The following PRKN variants were observed in gnomAD, a reference collection of about 807,000 sequenced individuals.
PRKN encodes E3 ubiquitin-protein ligase parkin.
A neutral mutation model predicts 59.5 loss-of-function variants in PRKN; 56 were observed. The ratio of observed to expected loss-of-function variants is 0.94; its 90% CI spans 0.76 to 1.18. The LOEUF (loss-of-function observed/expected upper bound fraction) is 1.18. Among genes scored for constraint, PRKN ranks in the 50% most tolerant of loss-of-function variants. The pLI is 0.00. For missense variants in PRKN, 657 were observed against 596.4 expected (o/e 1.10, Z -1.06); for synonymous variants, 250 against 222.1 (o/e 1.13, Z -1.12).
chr6:162,531,218 G>A (rs1405613095), intron 1 of PRKN, among the ~76,000 whole-genome samples: 3 of 151,790 alleles, frequency 2.0e-5, no homozygotes, highest in African/African-American at 4.8e-5. Flanking sequence ...ATTAGCTGGG[G>A]GTGGTGGTAC....
intron 4 of PRKN, among the ~76,000 whole-genome samples, chr6:162,081,786 T>C (rs2128293726): frequency 6.6e-6 from 1 of 152,264 alleles, no homozygotes; most frequent in African/African-American, 2.4e-5. Flanking sequence ...AAGAAAGTCC[T>C]AGATAGCATC....
At chr6:162,117,555 G>A (rs918564440) in intron 4 of PRKN, among the ~76,000 whole-genome samples, 5 of 152,204 alleles carry the variant, frequency 3.3e-5, no homozygotes, top group Non-Finnish European at 7.3e-5. Flanking sequence ...TGTAAAGGCT[G>A]CTCAGTAACT....
At chr6:161,482,526 G>C (rs149589146) in intron 9 of PRKN, among the ~76,000 whole-genome samples, 33 of 152,334 alleles carry the variant, frequency 2.2e-4, no homozygotes, top group African/African-American at 7.5e-4. Context: ...GTTAGTTTGA[G>C]AACTGGCTTT....
intron 2 of PRKN, among the ~76,000 whole-genome samples, chr6:162,418,906 G>A (rs1263564170): frequency 6.6e-6 from 1 of 151,768 alleles, no homozygotes; most frequent in Non-Finnish European, 1.5e-5. Flanking sequence ...AGGGTGTGGG[G>A]CACCAGGACA....
intron 7 of PRKN, among the ~76,000 whole-genome samples, chr6:161,726,064 A>G (rs371065697): frequency 6.2e-4 from 94 of 152,320 alleles, no homozygotes; most frequent in African/African-American, 2.1e-3. Flanking sequence ...TCACAAATCA[A>G]AAGGCATAAA....
intron 6 of PRKN, among the ~76,000 whole-genome samples, chr6:161,883,485 AAAGGG>A (rs1231720592): frequency 2.7e-5 from 4 of 147,932 alleles, no homozygotes; most frequent in Non-Finnish European, 6.0e-5. Context: ...AGACTCTGAC[AAAGGG>A]AAGGGAAGGG....
Position 161,356,358 on chromosome 6 carries a change from G to C in PRKN, c.1285+3730C>G, listed in dbSNP as rs1784749360. The stretch of plus-strand genomic sequence containing the variant: ...GACAGGAAGGAGCCAGCCATGGGCA[G>C]TGACGACACAGAAGCGTCCTGGGGA... On this transcript the variant is annotated intron_variant, in intron 11 of 11. Coordinates refer to ENST00000366898, the MANE Select transcript of PRKN (RefSeq NM_004562.3). This position sits in a 1 kb window ranked among gnomAD's most constrained non-coding sequence, Gnocchi z 7.8. Among the ~76,000 whole-genome samples the C allele has an allele frequency of 6.6e-6, 1 of 152,248 alleles. No homozygotes were observed. The highest frequency in any genetic ancestry group is 1.5e-5 in the Non-Finnish European group (1 of 68,050).
intron 7 of PRKN, among the ~76,000 whole-genome samples, chr6:161,732,828 G>A (rs939635829): frequency 6.6e-6 from 1 of 152,076 alleles, no homozygotes; most frequent in Non-Finnish European, 1.5e-5. Context: ...TCGATGACCT[G>A]GTCTCATGCA....
chr6:161,509,650 G>A (rs1042930658), intron 9 of PRKN, among the ~76,000 whole-genome samples: 3 of 151,702 alleles, frequency 2.0e-5, no homozygotes, highest in Non-Finnish European at 2.9e-5. Context: ...GAGAGGCCGA[G>A]GAGGGTGGAT....
At chr6:162,054,412 G>A (rs745916231) in intron 4 of PRKN, among the ~76,000 whole-genome samples, 6 of 152,122 alleles carry the variant, frequency 3.9e-5, no homozygotes, top group East Asian at 3.9e-4. Flanking sequence ...AAACCTGTTC[G>A]TTTTCCACTT....
intron 1 of PRKN, among the ~76,000 whole-genome samples, chr6:162,569,879 G>A (rs542943603): frequency 6.6e-6 from 1 of 152,280 alleles, no homozygotes; most frequent in Admixed American, 6.5e-5. Context: ...TTTACTGCCT[G>A]GGGACCACCT....
intron 7 of PRKN, among the ~76,000 whole-genome samples, chr6:161,620,467 C>A (rs762159765): frequency 6.6e-6 from 1 of 152,112 alleles, no homozygotes; most frequent in South Asian, 2.1e-4. Flanking sequence ...GTTCCTCTCA[C>A]TGAATTGATT....
At chr6:162,722,708 C>T (rs1017122162) in intron 1 of PRKN, among the ~76,000 whole-genome samples, 11 of 151,956 alleles carry the variant, frequency 7.2e-5, no homozygotes, top group African/African-American at 2.7e-4. Flanking sequence ...TTCAAAGAAA[C>T]TTTGGAGGTA....
chr6:161,873,113 C>A (rs201566679), intron 6 of PRKN, among the ~76,000 whole-genome samples: 1 of 151,834 alleles, frequency 6.6e-6, no homozygotes, highest in East Asian at 2.0e-4. Context: ...AATAAAGGCC[C>A]GTTCTCAATG....
At position 161,471,722 on chromosome 6, in the gene PRKN, A is replaced by G. The variant is rs1790799852; in HGVS notation, c.1083+77132T>C. 6.6e-6 allele frequency among the ~76,000 whole-genome samples: 1 copy of G among 152,186 alleles called. No homozygotes were observed. Among genetic ancestry groups the G allele is most frequent in the South Asian group, 2.1e-4 (1 of 4,830 alleles). On this transcript the variant is annotated intron_variant, in intron 9 of 11. Coordinates refer to ENST00000366898, the MANE Select transcript of PRKN (RefSeq NM_004562.3). This position sits in a 1 kb window ranked among gnomAD's most constrained non-coding sequence, Gnocchi z 4.5. ...AACCGACTTTTAGAGAAGAGTTTAA[A>G]TCCCAGTACTAGAATATATGTAACA...
chr6:161,729,741 T>C (rs1787593957), intron 7 of PRKN, among the ~76,000 whole-genome samples: 2 of 152,278 alleles, frequency 1.3e-5, no homozygotes, highest in African/African-American at 4.8e-5. Context: ...GACTTCATTC[T>C]AAGGCTTTTG....
intron 1 of PRKN, among the ~76,000 whole-genome samples, chr6:162,678,978 G>A (rs1355325714): frequency 1.3e-5 from 2 of 152,020 alleles, no homozygotes; most frequent in African/African-American, 2.4e-5. Flanking sequence ...GTTTCACCAC[G>A]TTGGCCAGGC....
chr6:162,421,801 T>A (rs1019042048), intron 2 of PRKN, among the ~76,000 whole-genome samples: 2 of 152,204 alleles, frequency 1.3e-5, no homozygotes, highest in African/African-American at 4.8e-5. Flanking sequence ...CAGTAACTAT[T>A]AATATAATGC....
At chr6:161,713,836 G>A (rs1786854164) in intron 7 of PRKN, among the ~76,000 whole-genome samples, 3 of 152,130 alleles carry the variant, frequency 2.0e-5, no homozygotes, top group Non-Finnish European at 4.4e-5. Context: ...GGAGGTAATT[G>A]AATCATGGGG....
Sources: gnomAD v4.1 joint callset for allele counts (sites outside exome capture counted in the v4.1 genomes callset) on GRCh38, gnomAD v4.1.1 for gene constraint, Gnocchi (gnomAD v3.1) non-coding constraint, MANE v1.5 for transcripts, NCBI Gene and HGNC (gene_info 2026-07-23, HGNC 2026-07-21) for gene names.